The following NLRP5 variants were observed in gnomAD, a reference collection of about 807,000 sequenced individuals.
NLRP5 encodes the protein NACHT, LRR and PYD domains-containing protein 5.
Under a neutral mutation model 113.1 loss-of-function variants are expected in NLRP5, and 93 were observed. The observed-to-expected ratio is 0.82, with a 90% confidence interval of 0.70 to 0.98. The LOEUF (loss-of-function observed/expected upper bound fraction) is 0.98. Among genes scored for constraint, NLRP5 ranks in the 50% least tolerant of loss-of-function variants. NLRP5 has a pLI of 0.00. For missense variants in NLRP5, 1,808 were observed against 1,514.3 expected, an observed-to-expected ratio of 1.19 and a Z score of -3.22; for synonymous variants, 751 against 600.7, an observed-to-expected ratio of 1.25 and a Z score of -3.66.
intron 6 of NLRP5, among the ~76,000 whole-genome samples, chr19:56,024,358 A>T (rs1468383666): frequency 1.6e-5 from 2 of 124,952 alleles, no homozygotes; most frequent in African/African-American, 6.3e-5. Context: ...AAAAAAAAAG[A>T]ACAAATATAT....
At position 56,028,327 on chromosome 19, in the gene NLRP5, GTT is replaced by G. The variant is rs1338220021; in HGVS notation, c.2096_2097del (p.Phe699CysfsTer16). On this transcript the variant is annotated frameshift_variant, in exon 7 of 15. Coordinates refer to ENST00000390649, the MANE Select transcript of NLRP5 (RefSeq NM_153447.4). LOFTEE classifies it high-confidence loss of function. The stretch of plus-strand genomic sequence containing the variant: ...GTCTTTTCGAGACTCAAGACAAAGA[GTT>G]TGTTCGCTTGGCATTAAACAGCTTC... 6 of 1,613,888 alleles carry G rather than the reference GTT, an allele frequency of 3.7e-6. No individual in the cohort carries two copies. The highest frequency in any genetic ancestry group is 5.1e-6 in the Non-Finnish European group (6 of 1,179,908).
the NLRP5 span, among the ~76,000 whole-genome samples, chr19:55,986,994 A>C: frequency 6.6e-6 from 1 of 152,242 alleles, no homozygotes; most frequent in Non-Finnish European, 1.5e-5. Context: ...CATTTTGCTG[A>C]AAAGATCTTC....
intron 4 of NLRP5, among the ~76,000 whole-genome samples, chr19:56,016,878 A>G (rs532153867): frequency 1.3e-5 from 2 of 152,040 alleles, no homozygotes; most frequent in Non-Finnish European, 1.5e-5. Flanking sequence ...GCGCGATCTC[A>G]GCTCACTGCA....
Position 56,032,602 on chromosome 19 carries a change from CT to C in NLRP5, c.2277-8del, listed in dbSNP as rs755818143. 1.2e-5 allele frequency: 19 copies of C among 1,608,840 alleles called. No homozygotes were observed. The highest frequency in any genetic ancestry group is 5.3e-5 in the African/African-American group (4 of 74,864). ...CCATGAGCCCATGTTTCTATCCCCC[CT>C]GACATAGGATGCGGGATAAGACCCT... On this transcript the variant is annotated splice_polypyrimidine_tract_variant and splice_region_variant and intron_variant, in intron 7 of 14. Coordinates refer to ENST00000390649, the MANE Select transcript of NLRP5 (RefSeq NM_153447.4).
At position 56,027,193 on chromosome 19, in the gene NLRP5, C is replaced by T. The variant is rs777265951; in HGVS notation, c.960C>T (p.Pro320=). ...TGTTCTCCTACGTCTTCTTCCTCCC[C>T]GTTAGAGAGATGCAGCGGAAGAAGG... Residue 320 remains proline (P), a synonymous_variant, in exon 7 of 15, where the codon CCC becomes CCT. Coordinates refer to ENST00000390649, the MANE Select transcript of NLRP5 (RefSeq NM_153447.4). The T allele has an allele frequency of 1.7e-5, 28 of 1,609,980 alleles. No homozygotes were observed. The East Asian group carries it at 4.0e-4, about 23-fold the overall frequency.
chr19:56,040,347 G>T (rs1983472954), intron 10 of NLRP5, among the ~76,000 whole-genome samples: 1 of 152,296 alleles, frequency 6.6e-6, no homozygotes, highest in African/African-American at 2.4e-5. Flanking sequence ...CCTGAGGTCA[G>T]GAGTTGGAGG....
intron 3 of NLRP5, among the ~76,000 whole-genome samples, chr19:56,009,339 C>CAAAAAAAAAAAAAAAAAAAAAAAAAAAAA (rs71296979): frequency 2.3e-5 from 1 of 44,304 alleles, no homozygotes; most frequent in Non-Finnish European, 3.9e-5. Flanking sequence ...GACTCCATCT[C>CAAAAAAAAAAAAAAAAAAAAAAAAAAAAA]AAAAAAAAAA....
At chr19:56,057,930 G>A (rs191534315) in intron 13 of NLRP5, among the ~76,000 whole-genome samples, 10 of 151,916 alleles carry the variant, frequency 6.6e-5, no homozygotes, top group African/African-American at 2.2e-4. Context: ...CGGAGGCTAA[G>A]GCAGGAGTAT....
In NLRP5 at chr19:56,028,360, A is replaced by AGTGT; in HGVS notation, c.2129_2132dup (p.Trp711CysfsTer6). ...GCTTGGCATTAAACAGCTTCCAAGA[A>AGTGT]GTGTGGCTTCCGATTAACCAGAACC... On this transcript the variant is annotated frameshift_variant, in exon 7 of 15. Transcript: ENST00000390649. LOFTEE classifies it high-confidence loss of function. 1 of 1,613,968 alleles carries AGTGT rather than the reference A, an allele frequency of 6.2e-7. No homozygotes were observed. Among genetic ancestry groups the AGTGT allele is most frequent in the South Asian group, 1.1e-5 (1 of 91,080 alleles).
chr19:56,050,320 C>A, intron 11 of NLRP5, 98 bp from the exon 12 acceptor site: 6 of 1,136,834 alleles, frequency 5.3e-6, no homozygotes, highest in Middle Eastern at 3.0e-4. Context: ...CCACCCTACA[C>A]AGAAGCAGAC....
At position 56,028,056 on chromosome 19, in the gene NLRP5, G is replaced by A. The variant is rs778314524; in HGVS notation, c.1823G>A (p.Cys608Tyr). Residue 608 changes from cysteine (C) to tyrosine (Y), a missense_variant, in exon 7 of 15, where the codon TGC (cysteine) becomes TAC (tyrosine). Physicochemically the swap from Cys to Tyr is radical, Grantham distance 194. Coordinates refer to ENST00000390649, the MANE Select transcript of NLRP5 (RefSeq NM_153447.4). ...GGCCTGGAAATCGAGCCAGCTCTCT[G>A]CCCTCTGTACGTTGAGAAGACAAAG... The A allele has an allele frequency of 6.2e-7, 1 of 1,613,868 alleles. No homozygotes were observed. Among genetic ancestry groups the A allele is most frequent in the South Asian group, 1.1e-5 (1 of 91,080 alleles).
chr19:56,060,700 A>T (rs1446225069), intron 14 of NLRP5, among the ~76,000 whole-genome samples: 1 of 151,190 alleles, frequency 6.6e-6, no homozygotes, highest in Non-Finnish European at 1.5e-5. Context: ...AGCTCAGCAT[A>T]GTATCTGACA....
intron 13 of NLRP5, among the ~76,000 whole-genome samples, chr19:56,057,440 T>A (rs1394102757): frequency 6.6e-6 from 1 of 152,230 alleles, no homozygotes; most frequent in African/African-American, 2.4e-5. Flanking sequence ...TGTCTGGGAC[T>A]CTTTTCTAGC....
chr19:56,008,952 GTGTTCTTT>G, intron 3 of NLRP5, 99 bp downstream of exon 3: 1 of 1,041,824 alleles, frequency 9.6e-7, no homozygotes, highest in Non-Finnish European at 1.5e-6. Context: ...TGATAGTCTA[GTGTTCTTT>G]CTAGTCTAAC....
chr19:56,005,640 ACACGCG>A (rs1270450877), intron 2 of NLRP5, among the ~76,000 whole-genome samples: 18 of 141,952 alleles, frequency 1.3e-4, no homozygotes, highest in South Asian at 2.2e-4. Flanking sequence ...ACACACACAC[ACACGCG>A]CGCAGGTGGC....
At chr19:56,005,594 G>A (rs955589020) in intron 2 of NLRP5, among the ~76,000 whole-genome samples, 1 of 139,274 alleles carries the variant, frequency 7.2e-6, no homozygotes, top group African/African-American at 2.6e-5. Context: ...CACACACGCA[G>A]GTGGCATGCC....
chr19:56,003,856 G>GTC lies in NLRP5; in HGVS notation c.207_208dup (p.Tyr70SerfsTer4). On this transcript the variant is annotated frameshift_variant, in exon 2 of 15. Coordinates refer to ENST00000390649, the MANE Select transcript of NLRP5 (RefSeq NM_153447.4). LOFTEE classifies it high-confidence loss of function. The stretch of plus-strand genomic sequence containing the variant: ...TTTTCCAGCTACGGGCTGCAATGGT[G>GTC]TCTCTATGAGCTAGACAAGGAAGAA... The GTC allele has an allele frequency of 6.2e-7, 1 of 1,613,978 alleles. No homozygotes were observed. The highest frequency in any genetic ancestry group is 8.5e-7 in the Non-Finnish European group (1 of 1,179,898).
chr19:56,007,831 G>A (rs1981982678), intron 2 of NLRP5, among the ~76,000 whole-genome samples: 1 of 150,786 alleles, frequency 6.6e-6, no homozygotes, highest in Non-Finnish European at 1.5e-5. Flanking sequence ...ACAGAAAGAA[G>A]TAGAAATGGA....
At chr19:55,988,403 A>G in the NLRP5 span, 24,198 of 142,644 alleles carry the variant, frequency 0.17, 2,229 homozygotes, top group East Asian at 0.27. Context: ...TCAAGAAGAA[A>G]AAAAAAATAC....
Sources: gnomAD v4.1 joint callset for allele counts (sites outside exome capture counted in the v4.1 genomes callset) on GRCh38, gnomAD v4.1.1 for gene constraint, MANE v1.5 for transcripts, NCBI Gene and HGNC (gene_info 2026-07-23, HGNC 2026-07-21) for gene names.